Variants in CPM observed in about 807,000 individuals in gnomAD.
The protein encoded by CPM is carboxypeptidase M.
In CPM, 35 loss-of-function variants were observed where a neutral mutation model predicts 46.4. The observed-to-expected ratio is 0.75, with a 90% CI of 0.58 to 1.00. The LOEUF is 1.00. Ranked by LOEUF, CPM falls within the 50% of genes least tolerant of loss-of-function variation. The pLI is 0.00. For missense variants in CPM, 422 were observed against 530.4 expected (o/e 0.80, Z 2.01); for synonymous variants, 195 against 195.3 (o/e 1.00, Z 0.01).
At chr12:68,906,207 A>G (rs768880508) in intron 2 of CPM, among the ~76,000 whole-genome samples, 4 of 152,160 alleles carry the variant, frequency 2.6e-5, no homozygotes, top group Admixed American at 1.3e-4. Context: ...CAGCTTTGCT[A>G]TGTTCTTACA....
rs551663731 is a variant in CPM at position 68,877,836 on chromosome 12, C to T, written c.259-5880G>A. 4.0e-4 allele frequency among the ~76,000 whole-genome samples: 61 copies of T among 152,282 alleles called. 1 individual carries two copies. Among genetic ancestry groups the T allele is most frequent in the Non-Finnish European group, 7.8e-4 (53 of 68,022 alleles). On this transcript the variant is annotated intron_variant, in intron 3 of 8. Coordinates refer to ENST00000551568, the MANE Select transcript of CPM (RefSeq NM_198320.5). The stretch of plus-strand genomic sequence containing the variant: ...ACTGTACTTCCCAGATTTTCCAGAA[C>T]GGCCATAATTTCAGATATTGTGTCC...
chr12:68,843,317 T>A lies in CPM; in HGVS notation c.534-988A>T, dbSNP rs191269358. 8.1e-4 allele frequency: 176 copies of A among 218,354 alleles called. No individual in the cohort carries two copies. The East Asian group carries it at 0.011, about 14-fold the overall frequency. 13.5% of individuals were successfully genotyped at this position (218,354 alleles called of 1,614,324 possible). ...TATTGAGAGAGAGAGAGAGAGAGAG[T>A]AGGGTGACTATAGTTAATGTATTGA... On this transcript the variant is annotated intron_variant, in intron 5 of 5. Coordinates refer to the CPM transcript ENST00000551897.
intron 2 of CPM, among the ~76,000 whole-genome samples, chr12:68,918,213 T>G (rs1488562225): frequency 1.3e-5 from 2 of 152,174 alleles, no homozygotes; most frequent in Non-Finnish European, 2.9e-5. Context: ...CATTCTTGGC[T>G]CCTCTACTCT....
intron 2 of CPM, among the ~76,000 whole-genome samples, chr12:68,899,098 G>A (rs1431184460): frequency 1.3e-5 from 2 of 152,166 alleles, no homozygotes; most frequent in African/African-American, 2.4e-5. Flanking sequence ...AAATGTATGT[G>A]CCAGAAGATC....
At chr12:68,873,579 C>T (rs1004234300) in intron 3 of CPM, among the ~76,000 whole-genome samples, 2 of 150,626 alleles carry the variant, frequency 1.3e-5, no homozygotes, top group African/African-American at 2.4e-5. Context: ...GTAGGAGGAT[C>T]GCTTGTGCTG....
chr12:68,848,311 T>C (rs557125280), downstream of CPM: 2 of 152,372 alleles, frequency 1.3e-5, no homozygotes, highest in South Asian at 2.1e-4. Flanking sequence ...GCCTCCCAAG[T>C]AGCTGTGTTA....
At chr12:68,895,022 C>CA (rs1332476838) in intron 2 of CPM, among the ~76,000 whole-genome samples, 19 of 99,670 alleles carry the variant, frequency 1.9e-4, no homozygotes, top group Admixed American at 2.9e-4. Flanking sequence ...GAGCGAGACT[C>CA]AGTCTCAAAA....
At chr12:68,897,396 G>A (rs1886918499) in intron 2 of CPM, among the ~76,000 whole-genome samples, 1 of 151,632 alleles carries the variant, frequency 6.6e-6, no homozygotes, top group South Asian at 2.1e-4. Flanking sequence ...TTGAGGAAGA[G>A]GTCAAACATA....
intron 2 of CPM, among the ~76,000 whole-genome samples, chr12:68,907,189 T>C (rs1325384684): frequency 1.3e-5 from 2 of 152,222 alleles, no homozygotes; most frequent in East Asian, 3.9e-4. Flanking sequence ...TAAGGTGTCA[T>C]ATCTTTTCCT....
chr12:68,895,306 A>G (rs1387967580), intron 2 of CPM, among the ~76,000 whole-genome samples: 1 of 152,120 alleles, frequency 6.6e-6, no homozygotes, highest in East Asian at 1.9e-4. Context: ...CAGAGCTTTA[A>G]GGGCTGATGC....
chr12:68,910,182 T>A (rs1346301163), intron 2 of CPM, among the ~76,000 whole-genome samples: 1 of 152,154 alleles, frequency 6.6e-6, no homozygotes, highest in Non-Finnish European at 1.5e-5. Flanking sequence ...CTAAAAGTTA[T>A]AAATGACCTA....
intron 2 of CPM, among the ~76,000 whole-genome samples, chr12:68,891,727 G>GT (rs1236917679): frequency 1.3e-5 from 2 of 151,810 alleles, no homozygotes; most frequent in African/African-American, 4.8e-5. Context: ...GTGTTGTTTT[G>GT]TTTTTTTGGG....
At chr12:68,878,301 A>G (rs1886044186) in intron 3 of CPM, among the ~76,000 whole-genome samples, 1 of 152,260 alleles carries the variant, frequency 6.6e-6, no homozygotes, top group Non-Finnish European at 1.5e-5. Flanking sequence ...CTTTTCCTGA[A>G]TGTAGGACTA....
intron 2 of CPM, among the ~76,000 whole-genome samples, chr12:68,896,167 T>C (rs1416369723): frequency 6.6e-6 from 1 of 152,192 alleles, no homozygotes; most frequent in Non-Finnish European, 1.5e-5. Context: ...TTCTTCTGCA[T>C]GGATAGTCCT....
chr12:68,871,994 C>A, intron 3 of CPM, 38 bp from the exon 4 acceptor site: 1 of 1,609,434 alleles, frequency 6.2e-7, no homozygotes, highest in South Asian at 1.1e-5. Context: ...ATTATTAGGT[C>A]AGAGGCAATA....
Position 68,852,468 on chromosome 12 carries a change from G to C in CPM, c.*3969C>G, listed in dbSNP as rs905542687. On this transcript the variant is annotated 3_prime_UTR_variant, in exon 9 of 9. Coordinates refer to ENST00000551568, the MANE Select transcript of CPM (RefSeq NM_198320.5). ...ACAGAATCACCGTTCAGCGTGGCGGGGGGTGGTCTCCATTTTACAGATAAA... is the reference window on the plus strand; with the variant it reads ...ACAGAATCACCGTTCAGCGTGGCGGCGGGTGGTCTCCATTTTACAGATAAA... 6.6e-6 allele frequency: 1 copy of C among 152,112 alleles called. No individual in the cohort carries two copies. Among genetic ancestry groups the C allele is most frequent in the Non-Finnish European group, 1.5e-5 (1 of 68,030 alleles). The allele number at this position is 152,112 out of a possible 1,614,324, so 9.4% of individuals were successfully genotyped here. A position where few individuals can be genotyped will look rare whatever the true frequency, so the allele number is the denominator to read the frequency against.
chr12:68,943,071 T>C (rs1489626795), intron 1 of CPM, among the ~76,000 whole-genome samples: 1 of 152,228 alleles, frequency 6.6e-6, no homozygotes, highest in Non-Finnish European at 1.5e-5. Flanking sequence ...ATAAGTGTTA[T>C]TCTAGGAAGA....
intron 1 of CPM, 135 bp downstream of exon 1, chr12:68,933,007 C>T (rs1022412306): frequency 8.5e-6 from 5 of 586,126 alleles, no homozygotes; most frequent in South Asian, 2.3e-5. Context: ...AGCCGTGCAA[C>T]CAGAGACCGG....
chr12:68,914,524 AC>A (rs1462878913), intron 2 of CPM, among the ~76,000 whole-genome samples: 1 of 152,038 alleles, frequency 6.6e-6, no homozygotes, highest in Non-Finnish European at 1.5e-5. Flanking sequence ...GCTGTTACAC[AC>A]TACCTCAAAT....
Sources: allele counts gnomAD v4.1 joint callset (sites outside exome capture counted in the v4.1 genomes callset), GRCh38; gene constraint gnomAD v4.1.1; transcripts MANE v1.5; gene names NCBI Gene and HGNC (gene_info 2026-07-23, HGNC 2026-07-21).